NFATC1: variants seen among roughly 807,000 people sequenced by gnomAD.
NFATC1 encodes the protein nuclear factor of activated T-cells, cytoplasmic 1.
NFATC1 carries 22 observed loss-of-function variants against 76.0 expected under a neutral mutation model. That is an observed-to-expected ratio of 0.29 (90% CI 0.21 to 0.41). The LOEUF is 0.41. NFATC1 is among the 10% of genes least tolerant of loss of function. The pLI is 1.00. For missense variants in NFATC1, 1,357 were observed against 1,337.7 expected, an observed-to-expected ratio of 1.01 and a Z score of -0.23; for synonymous variants, 704 against 613.1, an observed-to-expected ratio of 1.15 and a Z score of -2.19.
At chr18:79,416,269 A>G (rs1439138895) in intron 2 of NFATC1, among the ~76,000 whole-genome samples, 1 of 152,276 alleles carries the variant, frequency 6.6e-6, no homozygotes, top group Non-Finnish European at 1.5e-5. Flanking sequence ...CCCCCAGCAC[A>G]GTAACAGGTG....
chr18:79,400,308 G>T (rs1321788398), intron 1 of NFATC1: 12 of 1,268,644 alleles, frequency 9.5e-6, no homozygotes, highest in Non-Finnish European at 1.2e-5. Context: ...CACGTTACGC[G>T]GAGGACGCGC....
intron 2 of NFATC1, among the ~76,000 whole-genome samples, chr18:79,427,077 G>C (rs1300139117): frequency 6.6e-6 from 1 of 152,204 alleles, no homozygotes; most frequent in African/African-American, 2.4e-5. Context: ...TGTGGCCATT[G>C]AGGAGGGAGC....
chr18:79,475,446 G>A lies in NFATC1; in HGVS notation c.2092+7864G>A, dbSNP rs564747015. 1.2e-4 allele frequency among the ~76,000 whole-genome samples: 18 copies of A among 148,336 alleles called. 1 individual carries two copies. Among genetic ancestry groups the A allele is most frequent in the African/African-American group, 3.3e-4 (13 of 39,808 alleles). The stretch of plus-strand genomic sequence containing the variant: ...AAACCCGAGGGAAGCGTGTTCTCAC[G>A]CTCACTGTCAACGTTGTGAGGGAAG... On this transcript the variant is annotated intron_variant, in intron 8 of 9. Transcript: ENST00000427363.
intron 2 of NFATC1, among the ~76,000 whole-genome samples, chr18:79,431,716 T>G (rs1260823260): frequency 6.6e-6 from 1 of 151,596 alleles, no homozygotes; most frequent in Non-Finnish European, 1.5e-5. Flanking sequence ...TTTGTTGTTT[T>G]TTTTTAGATG....
chr18:79,406,360 G>GA (rs1162354589), intron 1 of NFATC1, among the ~76,000 whole-genome samples: 3 of 151,978 alleles, frequency 2.0e-5, no homozygotes, highest in Non-Finnish European at 4.4e-5. Context: ...AGCAGGTGGG[G>GA]CCTGAAGAGC....
intron 8 of NFATC1, among the ~76,000 whole-genome samples, chr18:79,474,116 C>T (rs1181561460): frequency 5.6e-5 from 8 of 141,654 alleles, no homozygotes; most frequent in Non-Finnish European, 7.5e-5. Flanking sequence ...CTGAGGGAAG[C>T]GTGTTCTCAC....
Position 79,524,616 on chromosome 18 carries a change from G to A in NFATC1, c.2783-2912G>A, listed in dbSNP as rs1265074225. ...CAGGAGTGAGGTGCAGGCTGCCGCTGGCTCCTTAGGCCTCGACAGCTCTCT... is the reference window on the plus strand; with the variant it reads ...CAGGAGTGAGGTGCAGGCTGCCGCTAGCTCCTTAGGCCTCGACAGCTCTCT... On this transcript the variant is annotated intron_variant, in intron 9 of 9. Coordinates refer to ENST00000427363, the MANE Select transcript of NFATC1 (RefSeq NM_001278669.2). The surrounding 1 kb of genome is among the most constrained non-coding windows in gnomAD (Gnocchi z 7.2). Among the ~76,000 whole-genome samples, 1 of 152,150 alleles carries A rather than the reference G, an allele frequency of 6.6e-6. No individual in the cohort carries two copies. Among genetic ancestry groups the A allele is most frequent in the African/African-American group, 2.4e-5 (1 of 41,420 alleles).
In NFATC1 at chr18:79,410,881, G is replaced by A. The variant is rs146509068; in HGVS notation, c.606G>A (p.Thr202=). 3 of 1,608,934 alleles carry A rather than the reference G, an allele frequency of 1.9e-6. No individual in the cohort carries two copies. Among genetic ancestry groups the A allele is most frequent in the Non-Finnish European group, 2.5e-6 (3 of 1,178,704 alleles). ...NYSYPYASPQ[T]SPWQSPCVSP... ...CGTACCCGTACGCGTCCCCCCAGAC[G>A]TCGCCATGGCAGTCTCCCTGCGTGT... The change falls in exon 2 of 10, where the codon ACG becomes ACA. Residue 202 remains threonine (T), a synonymous_variant. Transcript: ENST00000427363. The surrounding 1 kb of genome is among the most constrained non-coding windows in gnomAD (Gnocchi z 6.7).
chr18:79,452,434 A>T (rs1182049947), intron 6 of NFATC1, among the ~76,000 whole-genome samples: 2 of 152,020 alleles, frequency 1.3e-5, no homozygotes, highest in African/African-American at 4.8e-5. Flanking sequence ...CCTCGGAGTG[A>T]TGTTCCTCCT....
intron 8 of NFATC1, among the ~76,000 whole-genome samples, chr18:79,476,056 G>T (rs1470212838): frequency 2.0e-5 from 3 of 152,062 alleles, no homozygotes; most frequent in Non-Finnish European, 4.4e-5. Flanking sequence ...ATGAGAGGGC[G>T]GGAAGGGGCT....
rs535425755 is a variant in NFATC1, at chr18:79,513,324, G to A, written c.2783-14204G>A. Among the ~76,000 whole-genome samples the A allele has an allele frequency of 4.6e-5, 7 of 152,286 alleles. No individual in the cohort carries two copies. The South Asian group carries it at 1.5e-3, about 32-fold the overall frequency. On this transcript the variant is annotated intron_variant, in intron 9 of 9. Coordinates refer to ENST00000427363, the MANE Select transcript of NFATC1 (RefSeq NM_001278669.2). ...GGGCACCTTGGCCTCCGCGGCCAGG[G>A]CGTGAGGCTCCCGGGTCAGCACACG...
At chr18:79,479,550 C>T (rs1445304788) in intron 8 of NFATC1, among the ~76,000 whole-genome samples, 2 of 152,258 alleles carry the variant, frequency 1.3e-5, no homozygotes, top group African/African-American at 2.4e-5. Context: ...TGTGTTTAAG[C>T]TTCTTAGATG....
Position 79,464,702 on chromosome 18 carries a change from A to ATTTTTTTTTT in NFATC1, c.1960-2745_1960-2744insTTTTTTTTTT, listed in dbSNP as rs1555911977. On this transcript the variant is annotated intron_variant, in intron 7 of 9. Transcript: ENST00000427363. ...TATGTGTATATATATATATTTATTT[A>ATTTTTTTTTT]TTTATTTATTTTTTTTTTTTTGAGA... 5.8e-5 allele frequency among the ~76,000 whole-genome samples: 4 copies of ATTTTTTTTTT among 69,320 alleles called. 1 individual carries two copies. Among genetic ancestry groups the ATTTTTTTTTT allele is most frequent in the Non-Finnish European group, 1.1e-4 (4 of 35,186 alleles). 45.5% of individuals were successfully genotyped at this position (69,320 alleles called of 152,430 possible). A position where few individuals can be genotyped will look rare whatever the true frequency, so the allele number is the denominator to read the frequency against.
At chr18:79,505,962 A>G (rs946129058) in intron 9 of NFATC1, among the ~76,000 whole-genome samples, 1 of 152,152 alleles carries the variant, frequency 6.6e-6, no homozygotes, top group Non-Finnish European at 1.5e-5. Context: ...GTGTTCTGAC[A>G]CCTGCAGTGA....
intron 8 of NFATC1, among the ~76,000 whole-genome samples, chr18:79,477,980 G>A (rs145916765): frequency 2.0e-5 from 3 of 152,288 alleles, no homozygotes; most frequent in Non-Finnish European, 4.4e-5. Flanking sequence ...ACGCGGACGG[G>A]GGTTAGGGCT....
intron 9 of NFATC1, among the ~76,000 whole-genome samples, chr18:79,514,251 G>C (rs531236220): frequency 1.3e-5 from 2 of 152,158 alleles, no homozygotes; most frequent in African/African-American, 4.8e-5. Flanking sequence ...CCACCCTGGG[G>C]CAACATAGCA....
chr18:79,396,558 C>T (rs1044872597), intron 1 of NFATC1, among the ~76,000 whole-genome samples: 6 of 152,172 alleles, frequency 3.9e-5, no homozygotes, highest in African/African-American at 1.2e-4. Context: ...GCGCCTTCTG[C>T]CAATAGGTGT....
At chr18:79,416,122 G>A (rs956720029) in intron 2 of NFATC1, among the ~76,000 whole-genome samples, 1 of 152,238 alleles carries the variant, frequency 6.6e-6, no homozygotes, top group Non-Finnish European at 1.5e-5. Flanking sequence ...CAATATTGAA[G>A]ATTTTAGCAT....
At chr18:79,412,117 C>T (rs190310110) in intron 2 of NFATC1, among the ~76,000 whole-genome samples, 4 of 152,216 alleles carry the variant, frequency 2.6e-5, no homozygotes, top group Non-Finnish European at 4.4e-5. Context: ...GGAGCTCACG[C>T]GCCTTCCTTC....
Sources: allele counts gnomAD v4.1 joint callset (sites outside exome capture counted in the v4.1 genomes callset), GRCh38; gene constraint gnomAD v4.1.1; non-coding constraint Gnocchi (gnomAD v3.1); transcripts MANE v1.5; gene names NCBI Gene and HGNC (gene_info 2026-07-23, HGNC 2026-07-21).